The following MPP7 variants were observed in gnomAD, a reference collection of about 807,000 sequenced individuals.
The protein encoded by MPP7 is MAGUK p55 subfamily member 7.
Under a neutral mutation model 76.5 loss-of-function variants are expected in MPP7, and 60 were observed. That is an observed-to-expected ratio of 0.78 (90% CI 0.64 to 0.97). The LOEUF is 0.97. Ranked by LOEUF, MPP7 falls within the 50% of genes least tolerant of loss-of-function variation. MPP7 has a pLI of 0.00. For synonymous variants in MPP7, 237 were observed against 244.5 expected (o/e 0.97, Z 0.29); for missense variants, 641 against 694.0 (o/e 0.92, Z 0.86).
intron 8 of MPP7, among the ~76,000 whole-genome samples, chr10:28,121,218 A>T (rs774389554): frequency 4.0e-5 from 6 of 151,138 alleles, no homozygotes; most frequent in Non-Finnish European, 5.9e-5. Flanking sequence ...GGCTGCGGTG[A>T]GCTGTGATCG....
chr10:28,201,699 C>G (rs1436242488), intron 3 of MPP7, among the ~76,000 whole-genome samples: 1 of 152,066 alleles, frequency 6.6e-6, no homozygotes, highest in Non-Finnish European at 1.5e-5. Flanking sequence ...GGAGTTCTGC[C>G]AATAAAAGGA....
chr10:28,220,887 A>G (rs541025318), intron 2 of MPP7, among the ~76,000 whole-genome samples: 2 of 152,304 alleles, frequency 1.3e-5, no homozygotes, highest in Non-Finnish European at 2.9e-5. Context: ...AATAAGCAGT[A>G]GCTTCTATTG....
At chr10:28,083,008 C>T (rs541450548) in intron 12 of MPP7, among the ~76,000 whole-genome samples, 1 of 152,252 alleles carries the variant, frequency 6.6e-6, no homozygotes, top group South Asian at 2.1e-4. Context: ...TTTTTATTAT[C>T]TCAAATTTTC....
chr10:28,308,102 G>A (rs1327071334), intron 2 of MPP7, among the ~76,000 whole-genome samples: 1 of 152,206 alleles, frequency 6.6e-6, no homozygotes, highest in East Asian at 1.9e-4. Flanking sequence ...GGGGAAGAAG[G>A]GAAATGGTCG....
At chr10:28,303,132 G>C (rs1351680556), upstream of MPP7, among the ~76,000 whole-genome samples, 1 of 152,242 alleles carries the variant, frequency 6.6e-6, no homozygotes, top group Non-Finnish European at 1.5e-5. Flanking sequence ...CCGCCCGCGG[G>C]TAAGAGGGGC....
Position 28,254,210 on chromosome 10 carries a change from T to C in MPP7, c.-131-15475A>G, listed in dbSNP as rs559392078. Among the ~76,000 whole-genome samples, 4 of 152,260 alleles carry C rather than the reference T, an allele frequency of 2.6e-5. No individual in the cohort carries two copies. The East Asian group carries it at 5.8e-4, about 22-fold the overall frequency. Reference sequence around the variant, plus strand: ...TAGCCAAGATTACTGAGAAAAATCATAGCTGTACAAGTTCTGAAAATCTTG... The same window carrying C: ...TAGCCAAGATTACTGAGAAAAATCACAGCTGTACAAGTTCTGAAAATCTTG... On this transcript the variant is annotated intron_variant, in intron 1 of 16. Transcript: ENST00000683449.
chr10:28,275,947 C>T (rs1840480973), intron 1 of MPP7, among the ~76,000 whole-genome samples: 1 of 151,888 alleles, frequency 6.6e-6, no homozygotes, highest in Non-Finnish European at 1.5e-5. Context: ...AATCATTATA[C>T]CTCTTGGAGA....
chr10:28,217,710 T>C (rs543062252), intron 2 of MPP7, among the ~76,000 whole-genome samples: 6 of 152,152 alleles, frequency 3.9e-5, no homozygotes, highest in Middle Eastern at 3.4e-3. Flanking sequence ...GAAAAGGAAG[T>C]AGTAAGAAAA....
At chr10:28,131,418 C>A in intron 6 of MPP7, 142 bp downstream of exon 6, 3 of 637,182 alleles carry the variant, frequency 4.7e-6, no homozygotes, top group East Asian at 4.7e-5. Flanking sequence ...TTTTCAAAAG[C>A]ATGTTCTTTA....
intron 3 of MPP7, among the ~76,000 whole-genome samples, chr10:28,197,869 T>C (rs1837639779): frequency 6.6e-6 from 1 of 152,194 alleles, no homozygotes; most frequent in Non-Finnish European, 1.5e-5. Context: ...TATCAAAATA[T>C]ATTGTATACT....
rs117427893 is a variant in MPP7 at position 28,157,945 on chromosome 10, C to T, written c.157-7886G>A. On this transcript the variant is annotated intron_variant, in intron 3 of 16. Coordinates refer to ENST00000683449, the MANE Select transcript of MPP7 (RefSeq NM_001318170.2). ...GATTTATCATATTTATCTGTTTACA[C>T]CCCCATCGGTAAGGAAATTCATAGA... is the stretch of plus-strand genomic sequence containing the variant. 8.7e-3 allele frequency among the ~76,000 whole-genome samples: 1,325 copies of T among 152,170 alleles called. 20 individuals are homozygous for T. Among genetic ancestry groups the T allele is most frequent in the East Asian group, 0.053 (276 of 5,184 alleles).
At chr10:28,102,667 A>G (rs4749305) in intron 11 of MPP7, among the ~76,000 whole-genome samples, 52,431 of 152,020 alleles carry the variant, frequency 0.34, 12,565 homozygotes, top group East Asian at 0.95. Flanking sequence ...CTCCATCTTC[A>G]TAGTTACTAA....
intron 7 of MPP7, 38 bp from the exon 8 acceptor site, chr10:28,124,154 C>T: frequency 7.3e-7 from 1 of 1,362,054 alleles, no homozygotes; most frequent in East Asian, 2.3e-5. Flanking sequence ...GCAGTGTTAC[C>T]CACAACCAAA....
In MPP7 at chr10:28,189,266, C is replaced by T. The variant is rs369548178; in HGVS notation, c.156+12887G>A. On this transcript the variant is annotated intron_variant, in intron 3 of 16. Coordinates refer to ENST00000683449, the MANE Select transcript of MPP7 (RefSeq NM_001318170.2). ...ACTACCTGTGAAATGACAGTGTTATCTGAAAATAGACCTAGGTCAGGCATG... is the reference window on the plus strand; with the variant it reads ...ACTACCTGTGAAATGACAGTGTTATTTGAAAATAGACCTAGGTCAGGCATG... Among the ~76,000 whole-genome samples the T allele has an allele frequency of 5.3e-5, 8 of 152,056 alleles. No homozygotes were observed. The East Asian group carries it at 1.4e-3, about 26-fold the overall frequency.
At chr10:28,169,660 A>C (rs966241215) in intron 3 of MPP7, among the ~76,000 whole-genome samples, 23 of 152,294 alleles carry the variant, frequency 1.5e-4, no homozygotes, top group African/African-American at 4.8e-4. Context: ...ATTTTTTGTT[A>C]AATTTTTACC....
intron 1 of MPP7, among the ~76,000 whole-genome samples, chr10:28,281,582 A>C (rs560866501): frequency 6.6e-6 from 1 of 152,222 alleles, no homozygotes; most frequent in South Asian, 2.1e-4. Context: ...AAAAAATAAA[A>C]ACAGCTTTTT....
chr10:28,148,614 T>C (rs1387309848), intron 4 of MPP7, among the ~76,000 whole-genome samples: 2 of 152,190 alleles, frequency 1.3e-5, no homozygotes, highest in African/African-American at 4.8e-5. Context: ...CAAACACTGC[T>C]TTACTTTTTT....
intron 3 of MPP7, among the ~76,000 whole-genome samples, chr10:28,169,919 C>G (rs1488794354): frequency 6.6e-6 from 1 of 152,182 alleles, no homozygotes; most frequent in Admixed American, 6.5e-5. Context: ...CCCACTCTCC[C>G]TTATCTTGCA....
intron 7 of MPP7, among the ~76,000 whole-genome samples, chr10:28,124,415 G>A (rs1420799781): frequency 6.6e-6 from 1 of 150,770 alleles, no homozygotes; most frequent in African/African-American, 2.4e-5. Flanking sequence ...TATCTTAAAG[G>A]CTGCATGCTC....
Sources: gnomAD v4.1 joint callset for allele counts (sites outside exome capture counted in the v4.1 genomes callset) on GRCh38, gnomAD v4.1.1 for gene constraint, MANE v1.5 for transcripts, NCBI Gene and HGNC (gene_info 2026-07-23, HGNC 2026-07-21) for gene names.